MAGI2: variants seen among roughly 807,000 people sequenced by gnomAD.
MAGI2 encodes membrane-associated guanylate kinase, WW and PDZ domain-containing protein 2.
Under a neutral mutation model 133.3 loss-of-function variants are expected in MAGI2, and 35 were observed. That is an observed-to-expected ratio of 0.26 (90% confidence interval 0.20 to 0.35). MAGI2 has a LOEUF of 0.35. Ranked by LOEUF, MAGI2 falls within the 10% of genes least tolerant of loss-of-function variation. The pLI is 1.00. For synonymous variants in MAGI2, 729 were observed against 710.6 expected, an observed-to-expected ratio of 1.03 and a Z score of -0.41; for missense variants, 1,636 against 1,863.4, an observed-to-expected ratio of 0.88 and a Z score of 2.25.
chr7:78,327,578 C>T (rs181002601), intron 9 of MAGI2, among the ~76,000 whole-genome samples: 1 of 152,206 alleles, frequency 6.6e-6, no homozygotes, highest in East Asian at 1.9e-4. Context: ...TTTATGGAGG[C>T]TAGGGTGAGA....
intron 1 of MAGI2, among the ~76,000 whole-genome samples, chr7:79,319,434 C>T (rs1367544335): frequency 2.6e-5 from 4 of 152,122 alleles, no homozygotes; most frequent in African/African-American, 9.7e-5. Flanking sequence ...AGCTCCCAGC[C>T]TCACCTTCAT....
chr7:79,401,943 T>G (rs1249829331), intron 1 of MAGI2, among the ~76,000 whole-genome samples: 1 of 151,904 alleles, frequency 6.6e-6, no homozygotes, highest in East Asian at 1.9e-4. Flanking sequence ...ACACTAAATA[T>G]CCCCCACCAA....
chr7:78,576,135 T>TAAGAAGG (rs1802242055), intron 3 of MAGI2, among the ~76,000 whole-genome samples: 1 of 43,062 alleles, frequency 2.3e-5, no homozygotes, highest in East Asian at 1.3e-3. Context: ...TTCTGTAAAT[T>TAAGAAGG]CAGGGCTTTA....
intron 1 of MAGI2, among the ~76,000 whole-genome samples, chr7:79,248,334 T>C (rs1832966985): frequency 1.3e-5 from 2 of 152,132 alleles, no homozygotes; most frequent in South Asian, 4.1e-4. Context: ...TAAATATATA[T>C]ATTCAATTAA....
At chr7:79,050,864 C>G (rs774009178) in intron 1 of MAGI2, among the ~76,000 whole-genome samples, 2 of 151,434 alleles carry the variant, frequency 1.3e-5, no homozygotes, top group African/African-American at 4.9e-5. Context: ...AAAGAGCCAG[C>G]CTCTGATGTG....
At chr7:79,422,316 T>C (rs941679740) in intron 1 of MAGI2, among the ~76,000 whole-genome samples, 3 of 152,034 alleles carry the variant, frequency 2.0e-5, no homozygotes, top group Non-Finnish European at 4.4e-5. Flanking sequence ...TTTTGTTTGT[T>C]TGTTTTATTT....
intron 2 of MAGI2, among the ~76,000 whole-genome samples, chr7:78,635,809 TA>T: frequency 6.6e-6 from 1 of 152,240 alleles, no homozygotes; most frequent in Non-Finnish European, 1.5e-5. Context: ...ATGCTGCCAA[TA>T]AAAACATACA....
chr7:78,055,131 T>TAA (rs1812432001), intron 21 of MAGI2, among the ~76,000 whole-genome samples: 1 of 152,182 alleles, frequency 6.6e-6, no homozygotes, highest in Non-Finnish European at 1.5e-5. Flanking sequence ...TATCCAGTGT[T>TAA]AAACATGAGG....
chr7:78,793,497 T>C (rs1787348411), intron 2 of MAGI2, among the ~76,000 whole-genome samples: 1 of 152,098 alleles, frequency 6.6e-6, no homozygotes, highest in South Asian at 2.1e-4. Flanking sequence ...CTGTCAATCA[T>C]GGAGATAGAA....
chr7:78,514,289 A>G (rs1202860413), intron 4 of MAGI2, among the ~76,000 whole-genome samples: 1 of 150,942 alleles, frequency 6.6e-6, no homozygotes, highest in Non-Finnish European at 1.5e-5. Context: ...TTATAAAATT[A>G]TTAATAGTAA....
At chr7:78,908,064 G>A (rs543892598) in intron 2 of MAGI2, among the ~76,000 whole-genome samples, 2 of 152,188 alleles carry the variant, frequency 1.3e-5, no homozygotes, top group Non-Finnish European at 2.9e-5. Context: ...TGCAAAGACA[G>A]TAAGTTAGGG....
At chr7:78,953,679 G>A (rs1266921024) in intron 2 of MAGI2, among the ~76,000 whole-genome samples, 1 of 152,042 alleles carries the variant, frequency 6.6e-6, no homozygotes, top group East Asian at 1.9e-4. Flanking sequence ...TTAGTATCAT[G>A]AATGGTGTAA....
intron 2 of MAGI2, among the ~76,000 whole-genome samples, chr7:78,976,684 T>C (rs1453436328): frequency 6.9e-6 from 1 of 144,650 alleles, no homozygotes; most frequent in Non-Finnish European, 1.5e-5. Flanking sequence ...TATGACTTTT[T>C]TTAAAATGTA....
At chr7:79,216,873 T>C (rs918142563) in intron 1 of MAGI2, among the ~76,000 whole-genome samples, 2 of 152,048 alleles carry the variant, frequency 1.3e-5, no homozygotes, top group African/African-American at 2.4e-5. Flanking sequence ...TCTTCGCCAA[T>C]AGATAAACAA....
At position 79,127,377 on chromosome 7, in the gene MAGI2, T is replaced by C. The variant is rs545742581; in HGVS notation, c.302-120171A>G. ...CTAGATCCCTGAGGAATCGCCACAC[T>C]GACTTCCACAATGGTTGAACTAGTT... On this transcript the variant is annotated intron_variant, in intron 1 of 21. Transcript: ENST00000354212. 7.1e-3 allele frequency among the ~76,000 whole-genome samples: 1,088 copies of C among 152,224 alleles called. 7 individuals are homozygous for C. Among genetic ancestry groups the C allele is most frequent in the African/African-American group, 0.024 (1,010 of 41,562 alleles).
At chr7:78,459,394 T>C (rs1256896995) in intron 6 of MAGI2, among the ~76,000 whole-genome samples, 2 of 152,202 alleles carry the variant, frequency 1.3e-5, no homozygotes, top group African/African-American at 4.8e-5. Context: ...CATTTCCTTT[T>C]TTAGTTACAT....
intron 1 of MAGI2, among the ~76,000 whole-genome samples, chr7:79,075,672 G>A (rs927604977): frequency 1.3e-5 from 2 of 152,084 alleles, no homozygotes; most frequent in African/African-American, 2.4e-5. Context: ...CTGAGGTGGG[G>A]AGTATGACTT....
At chr7:79,147,816 G>A (rs1822795629) in intron 1 of MAGI2, among the ~76,000 whole-genome samples, 1 of 152,192 alleles carries the variant, frequency 6.6e-6, no homozygotes, top group African/African-American at 2.4e-5. Flanking sequence ...GCAGCTCTGG[G>A]TGGGTCAGGT....
At position 79,171,743 on chromosome 7, in the gene MAGI2, A is replaced by ATATATATATATATATATATATATAT. The variant is rs1554394140; in HGVS notation, c.302-164538_302-164537insATATATATATATATATATATATATA. On this transcript the variant is annotated intron_variant, in intron 1 of 21. Coordinates refer to ENST00000354212, the MANE Select transcript of MAGI2 (RefSeq NM_012301.4). ...AAAATTAAGCAAGACAATAGCCAAA[A>ATATATATATATATATATATATATAT]ATATATATATATATATATATATATA... 2.4e-4 allele frequency among the ~76,000 whole-genome samples: 7 copies of ATATATATATATATATATATATATAT among 29,588 alleles called. 3 individuals carry two copies. Among genetic ancestry groups the ATATATATATATATATATATATATAT allele is most frequent in the East Asian group, 1.6e-3 (2 of 1,276 alleles). 19.4% of individuals were successfully genotyped at this position (29,588 alleles called of 152,430 possible).
Sources: allele counts gnomAD v4.1 joint callset (sites outside exome capture counted in the v4.1 genomes callset), GRCh38; gene constraint gnomAD v4.1.1; transcripts MANE v1.5; gene names NCBI Gene and HGNC (gene_info 2026-07-23, HGNC 2026-07-21).